Variants in LMO2 observed in about 807,000 individuals in gnomAD.
LMO2 encodes rhombotin-2.
Under a neutral mutation model 23.2 loss-of-function variants are expected in LMO2, and 20 were observed. The observed-to-expected ratio is 0.86, with a 90% CI of 0.61 to 1.25. LMO2 has a LOEUF of 1.25. LMO2 is among the 50% of genes most tolerant of loss of function. The probability of loss-of-function intolerance (pLI) is 0.00; values close to 1 mark genes in which losing one functional copy is unlikely to be tolerated. For synonymous variants in LMO2, 123 were observed against 130.2 expected, an observed-to-expected ratio of 0.94 and a Z score of 0.38; for missense variants, 270 against 315.3, an observed-to-expected ratio of 0.86 and a Z score of 1.09.
chr11:33,869,581 C>A lies in LMO2; in HGVS notation c.13G>T (p.Ala5Ser). The A allele has an allele frequency of 7.7e-7, 1 of 1,301,274 alleles. No individual in the cohort carries two copies. Among genetic ancestry groups the A allele is most frequent in the Non-Finnish European group, 9.9e-7 (1 of 1,013,060 alleles). 80.6% of individuals were successfully genotyped at this position (1,301,274 alleles called of 1,614,324 possible). A position where few individuals can be genotyped will look rare whatever the true frequency, so the allele number is the denominator to read the frequency against. Residue 5 changes from alanine (A) to serine (S), a missense_variant, in exon 4 of 6, where the codon GCG (alanine) becomes TCG (serine). Ala to Ser is a moderately conservative substitution (Grantham distance 99). Coordinates refer to ENST00000257818, the MANE Select transcript of LMO2 (RefSeq NM_005574.4). ...CCTCCGCGCTCAAGGACAGTCACCG[C>A]GCTCCCTTCAAACGCCAAAGAGAGA... MEGS[A>S]VTVLERGGAS...
At chr11:33,889,422 G>A (rs530489225) in intron 1 of LMO2, among the ~76,000 whole-genome samples, 6 of 152,148 alleles carry the variant, frequency 3.9e-5, no homozygotes, top group South Asian at 2.1e-4. Flanking sequence ...CAACAGAATC[G>A]CTGAGCAGTT....
Position 33,864,472 on chromosome 11 carries a change from C to CA in LMO2, c.464+129dup. The CA allele has an allele frequency of 2.9e-6, 2 of 678,654 alleles. No individual in the cohort carries two copies. The highest frequency in any genetic ancestry group is 5.0e-6 in the Non-Finnish European group (2 of 403,388). The allele number at this position is 678,654 out of a possible 1,614,324, so 42.0% of individuals were successfully genotyped here. On this transcript the variant is annotated intron_variant, in intron 5 of 5. Coordinates refer to ENST00000257818, the MANE Select transcript of LMO2 (RefSeq NM_005574.4). The surrounding 1 kb of genome is among the most constrained non-coding windows in gnomAD (Gnocchi z 4.8). ...CACAGGAGCTGAGACTCAGCCTCTG[C>CA]AGTCTGACCTCTTTCTATAGGTGGT...
chr11:33,875,839 C>T, intron 2 of LMO2, among the ~76,000 whole-genome samples: 1 of 152,214 alleles, frequency 6.6e-6, no homozygotes, highest in East Asian at 1.9e-4. Flanking sequence ...CTCTCTGTAG[C>T]TATGCAGAGG....
Position 33,864,438 on chromosome 11 carries a change from G to A in LMO2, c.464+164C>T, listed in dbSNP as rs1856697459. ...TCTCAAACAGGAAGAAATGCCCTCTGCTTCTCAGCACAGGAGCTGAGACTC... is the reference window on the plus strand; with the variant it reads ...TCTCAAACAGGAAGAAATGCCCTCTACTTCTCAGCACAGGAGCTGAGACTC... On this transcript the variant is annotated intron_variant, in intron 5 of 5. Coordinates refer to ENST00000257818, the MANE Select transcript of LMO2 (RefSeq NM_005574.4). The surrounding 1 kb of genome is among the most constrained non-coding windows in gnomAD (Gnocchi z 4.8). Among the ~76,000 whole-genome samples the A allele has an allele frequency of 6.6e-6, 1 of 152,202 alleles. No homozygotes were observed. Among genetic ancestry groups the A allele is most frequent in the African/African-American group, 2.4e-5 (1 of 41,444 alleles).
intron 4 of LMO2, among the ~76,000 whole-genome samples, chr11:33,866,554 T>C (rs559716101): frequency 1.3e-5 from 2 of 152,356 alleles, no homozygotes; most frequent in East Asian, 3.9e-4. Flanking sequence ...GAGGATCATC[T>C]GAGCCCAGGA....
intron 5 of LMO2, among the ~76,000 whole-genome samples, chr11:33,862,050 G>C (rs571027025): frequency 1.3e-5 from 2 of 152,206 alleles, no homozygotes; most frequent in Non-Finnish European, 2.9e-5. Flanking sequence ...TGGTATCTTA[G>C]GCTGGATATC....
intron 5 of LMO2, among the ~76,000 whole-genome samples, chr11:33,862,489 C>T (rs1856619318): frequency 6.6e-6 from 1 of 152,198 alleles, no homozygotes; most frequent in African/African-American, 2.4e-5. Context: ...CAATACAACA[C>T]AGCAGCAGAG....
intron 1 of LMO2, among the ~76,000 whole-genome samples, chr11:33,882,211 T>C (rs1177339543): frequency 1.3e-5 from 2 of 152,234 alleles, no homozygotes; most frequent in Admixed American, 1.3e-4. Context: ...GTGAAGGAGT[T>C]GTCCCTTTTC....
chr11:33,887,820 C>T (rs191257646), intron 1 of LMO2, among the ~76,000 whole-genome samples: 37 of 152,208 alleles, frequency 2.4e-4, no homozygotes, highest in African/African-American at 7.9e-4. Context: ...GCCATCTGCC[C>T]GCCTTGGCCT....
At chr11:33,886,547 G>T (rs1312299360) in intron 1 of LMO2, among the ~76,000 whole-genome samples, 1 of 152,176 alleles carries the variant, frequency 6.6e-6, no homozygotes, top group African/African-American at 2.4e-5. Flanking sequence ...CAGGCCACCA[G>T]CTATATCAGG....
At chr11:33,873,332 A>C (rs1002557152) in intron 2 of LMO2, among the ~76,000 whole-genome samples, 12 of 152,208 alleles carry the variant, frequency 7.9e-5, no homozygotes, top group Non-Finnish European at 1.5e-4. Flanking sequence ...GAGAAGGTGA[A>C]TATTTGAAAT....
chr11:33,864,557 C>T lies in LMO2; in HGVS notation c.464+45G>A, dbSNP rs773678749. 4 of 1,544,434 alleles carry T rather than the reference C, an allele frequency of 2.6e-6. No individual in the cohort carries two copies. The highest frequency in any genetic ancestry group is 1.7e-5 in the Admixed American group (1 of 57,958). The stretch of plus-strand genomic sequence containing the variant: ...ACCGACTGCAGATGTCCATGGACCA[C>T]CCAGCCTCCCTTCCGAGGGCCCAGT... On this transcript the variant is annotated intron_variant, in intron 5 of 5. Coordinates refer to ENST00000257818, the MANE Select transcript of LMO2 (RefSeq NM_005574.4). The surrounding 1 kb of genome is among the most constrained non-coding windows in gnomAD (Gnocchi z 4.8).
In LMO2 at chr11:33,869,596, C is replaced by T; in HGVS notation, c.8-10G>A. The T allele has an allele frequency of 7.8e-7, 1 of 1,287,694 alleles. No homozygotes were observed. The highest frequency in any genetic ancestry group is 2.1e-5 in the South Asian group (1 of 47,810). 79.8% of individuals were successfully genotyped at this position (1,287,694 alleles called of 1,614,324 possible). On this transcript the variant is annotated splice_polypyrimidine_tract_variant and intron_variant, in intron 3 of 5. Coordinates refer to ENST00000257818, the MANE Select transcript of LMO2 (RefSeq NM_005574.4). The stretch of plus-strand genomic sequence containing the variant: ...ACAGTCACCGCGCTCCCTTCAAACG[C>T]CAAAGAGAGAGAGCGAATCACCGGG...
intron 5 of LMO2, among the ~76,000 whole-genome samples, chr11:33,861,065 A>G (rs1287427496): frequency 2.6e-5 from 4 of 152,132 alleles, no homozygotes; most frequent in Non-Finnish European, 1.5e-5. Context: ...GCTCCACCTC[A>G]CTCAGCTGTT....
chr11:33,866,343 GA>G lies in LMO2; in HGVS notation c.249-1527del, dbSNP rs990513309. On this transcript the variant is annotated intron_variant, in intron 4 of 5. Coordinates refer to ENST00000257818, the MANE Select transcript of LMO2 (RefSeq NM_005574.4). ...GGAAGCTCAAGTTAGTTTATCTGGG[GA>G]AAAAAAATGGCCAGGTACAGTGGCT... 1.3e-4 allele frequency among the ~76,000 whole-genome samples: 20 copies of G among 152,088 alleles called. No homozygotes were observed. The South Asian group carries it at 1.5e-3, about 11-fold the overall frequency.
intron 2 of LMO2, among the ~76,000 whole-genome samples, chr11:33,875,169 G>A (rs79454417): frequency 0.06 from 9,163 of 152,324 alleles, 410 homozygotes; most frequent in African/African-American, 0.13. Context: ...GTACCTACTC[G>A]TGGAGCTGTT....
intron 2 of LMO2, among the ~76,000 whole-genome samples, chr11:33,878,792 T>C (rs902988513): frequency 3.3e-5 from 5 of 152,222 alleles, no homozygotes; most frequent in African/African-American, 1.2e-4. Context: ...AGATTCTGCC[T>C]TGCAATGCAA....
At chr11:33,885,850 T>C (rs903183589) in intron 1 of LMO2, among the ~76,000 whole-genome samples, 3 of 150,662 alleles carry the variant, frequency 2.0e-5, no homozygotes, top group Non-Finnish European at 2.9e-5. Flanking sequence ...TCACCTGCAA[T>C]GTGGCCATTG....
At chr11:33,863,153 T>C (rs1223485179) in intron 5 of LMO2, among the ~76,000 whole-genome samples, 2 of 152,186 alleles carry the variant, frequency 1.3e-5, no homozygotes, top group African/African-American at 4.8e-5. Flanking sequence ...TTTACCCGTC[T>C]GCCCTCTCAC....
Sources: gnomAD v4.1 joint callset for allele counts (sites outside exome capture counted in the v4.1 genomes callset) on GRCh38, gnomAD v4.1.1 for gene constraint, Gnocchi (gnomAD v3.1) non-coding constraint, MANE v1.5 for transcripts, NCBI Gene and HGNC (gene_info 2026-07-23, HGNC 2026-07-21) for gene names.